FAM161A: variants seen among roughly 807,000 people sequenced by gnomAD.
The protein encoded by FAM161A is protein FAM161A.
Under a neutral mutation model 70.9 loss-of-function variants are expected in FAM161A, and 57 were observed. The ratio of observed to expected loss-of-function variants is 0.80; its 90% CI spans 0.65 to 1.00. FAM161A has a LOEUF of 1.00. Ranked by LOEUF, FAM161A falls within the 50% of genes least tolerant of loss-of-function variation. The pLI is 0.00. For synonymous variants in FAM161A, 299 were observed against 295.7 expected (o/e 1.01, Z -0.12); for missense variants, 880 against 836.0 (o/e 1.05, Z -0.65).
chr2:61,819,831 G>C, the FAM161A span, among the ~76,000 whole-genome samples: 1 of 152,106 alleles, frequency 6.6e-6, no homozygotes. Flanking sequence ...TCATAATGAA[G>C]TATACCATCT....
Position 61,853,892 on chromosome 2 carries a change from C to T in FAM161A, c.150G>A (p.Glu50=). ...AAAEAILEDE[E]EEKVAQPAGA... The stretch of plus-strand genomic sequence containing the variant: ...CAGCGGGCTGAGCCACTTTCTCCTC[C>T]TCTTCGTCCTCCAAGATCGCCTCCG... The change falls in exon 1 of 7, where the codon GAG becomes GAA. Residue 50 remains glutamate (E), a synonymous_variant. Transcript: ENST00000404929. 1.2e-6 allele frequency: 2 copies of T among 1,613,966 alleles called. No homozygotes were observed. Among genetic ancestry groups the T allele is most frequent in the Non-Finnish European group, 1.7e-6 (2 of 1,179,840 alleles).
intron 1 of FAM161A, among the ~76,000 whole-genome samples, chr2:61,843,520 T>C (rs981140540): frequency 1.3e-5 from 2 of 152,184 alleles, no homozygotes; most frequent in Non-Finnish European, 2.9e-5. Flanking sequence ...TGAGAAACAG[T>C]TGAAATTATT....
the FAM161A span, among the ~76,000 whole-genome samples, chr2:61,810,647 A>AG: frequency 6.6e-6 from 1 of 151,398 alleles, no homozygotes; most frequent in Admixed American, 6.6e-5. Context: ...TTTAGTAAAG[A>AG]GGGGGTTTCT....
intron 1 of FAM161A, among the ~76,000 whole-genome samples, chr2:61,845,235 T>C (rs904470282): frequency 1.3e-5 from 2 of 151,976 alleles, no homozygotes; most frequent in Non-Finnish European, 2.9e-5. Context: ...TAATAGGAGG[T>C]AGAGAGTGGC....
Position 61,853,843 on chromosome 2 carries a change from C to A in FAM161A, c.183+16G>T. ...GCCCATGCGAGGTCCCAGCCCAAGTCCCGCCCCAGTATTACCGATGCCCCA... is the reference window on the plus strand; with the variant it reads ...GCCCATGCGAGGTCCCAGCCCAAGTACCGCCCCAGTATTACCGATGCCCCA... On this transcript the variant is annotated intron_variant, in intron 1 of 6. Coordinates refer to ENST00000404929, the MANE Select transcript of FAM161A (RefSeq NM_001201543.2). 6.2e-7 allele frequency: 1 copy of A among 1,613,754 alleles called. No homozygotes were observed. The highest frequency in any genetic ancestry group is 8.5e-7 in the Non-Finnish European group (1 of 1,179,744).
chr2:61,838,194 A>G lies in FAM161A; in HGVS notation c.1751+344T>C, dbSNP rs1303073607. Among the ~76,000 whole-genome samples the G allele has an allele frequency of 2.0e-5, 3 of 152,254 alleles. No homozygotes were observed. In the South Asian group the frequency reaches 6.2e-4, roughly 31 times the overall value. Reference sequence around the variant, plus strand: ...TGCTATCAGATTTCATCCAAACCTTAGAACAAAGCTCTTTGATATATCTGT... The same window carrying G: ...TGCTATCAGATTTCATCCAAACCTTGGAACAAAGCTCTTTGATATATCTGT... On this transcript the variant is annotated intron_variant, in intron 4 of 6. Transcript: ENST00000404929.
downstream of FAM161A, among the ~76,000 whole-genome samples, chr2:61,821,251 C>G (rs1672196624): frequency 6.6e-6 from 1 of 152,076 alleles, no homozygotes; most frequent in Admixed American, 6.6e-5. Flanking sequence ...TGGGGTTTCA[C>G]CATATTGGCC....
intron 5 of FAM161A, 35 bp from the exon 6 acceptor site, chr2:61,827,293 G>A (rs773228084): frequency 9.3e-6 from 15 of 1,606,206 alleles, no homozygotes; most frequent in Non-Finnish European, 1.3e-5. Flanking sequence ...GACGAGAACA[G>A]AAGACTTTAA....
In FAM161A at chr2:61,840,410, G is replaced by A. The variant is rs1473804899; in HGVS notation, c.594C>T (p.Leu198=). 4 of 1,614,010 alleles carry A rather than the reference G, an allele frequency of 2.5e-6. No individual in the cohort carries two copies. Among genetic ancestry groups the A allele is most frequent in the Middle Eastern group, 1.6e-4 (1 of 6,062 alleles). ...KNRMMTYAKE[L]INNMWTDFCV... ...AAAAGTCTGTCCACATATTGTTGAT[G>A]AGCTCCTTAGCATAGGTCATCATTC... The change falls in exon 3 of 7, where the codon CTC becomes CTT. Residue 198 remains leucine, a synonymous_variant. Coordinates refer to ENST00000404929, the MANE Select transcript of FAM161A (RefSeq NM_001201543.2).
intron 5 of FAM161A, among the ~76,000 whole-genome samples, chr2:61,828,029 A>G (rs1366526161): frequency 2.0e-5 from 3 of 152,204 alleles, no homozygotes; most frequent in African/African-American, 4.8e-5. Flanking sequence ...CAAAACAACT[A>G]TATTGTTTGA....
chr2:61,804,139 G>T, the FAM161A span, among the ~76,000 whole-genome samples: 2 of 152,156 alleles, frequency 1.3e-5, no homozygotes, highest in Admixed American at 1.3e-4. Flanking sequence ...ACTTCCTGAC[G>T]TTGCCATGGC....
At chr2:61,850,998 C>T (rs1056452699) in intron 1 of FAM161A, among the ~76,000 whole-genome samples, 4 of 152,072 alleles carry the variant, frequency 2.6e-5, no homozygotes, top group African/African-American at 9.7e-5. Flanking sequence ...CCTCAGCCTC[C>T]TGAGTAGCTG....
chr2:61,836,501 T>C (rs1274308318), intron 4 of FAM161A: 3 of 160,662 alleles, frequency 1.9e-5, no homozygotes, highest in Non-Finnish European at 2.7e-5. Flanking sequence ...ACAAATTAGC[T>C]ATCTTCTCTG....
At chr2:61,830,631 C>T (rs1672532059) in intron 5 of FAM161A, among the ~76,000 whole-genome samples, 1 of 145,328 alleles carries the variant, frequency 6.9e-6, no homozygotes, top group Non-Finnish European at 1.5e-5. Flanking sequence ...TTGCAGTGAG[C>T]CGAGATCACG....
At chr2:61,805,827 G>C in the FAM161A span, among the ~76,000 whole-genome samples, 1 of 151,968 alleles carries the variant, frequency 6.6e-6, no homozygotes, top group African/African-American at 2.4e-5. Flanking sequence ...TTCTTTTATT[G>C]CTAGGTTTTT....
chr2:61,804,818 G>GAA, the FAM161A span, among the ~76,000 whole-genome samples: 23 of 110,116 alleles, frequency 2.1e-4, no homozygotes, highest in African/African-American at 4.4e-4. Flanking sequence ...AAGAAAGAAA[G>GAA]AGAAAGAGAA....
At chr2:61,832,427 C>T (rs1280111830) in intron 5 of FAM161A, among the ~76,000 whole-genome samples, 1 of 152,074 alleles carries the variant, frequency 6.6e-6, no homozygotes, top group African/African-American at 2.4e-5. Flanking sequence ...AGGAAATCTT[C>T]CAGAACTAGA....
At chr2:61,810,876 C>G in the FAM161A span, among the ~76,000 whole-genome samples, 4 of 152,086 alleles carry the variant, frequency 2.6e-5, no homozygotes, top group African/African-American at 4.8e-5. Context: ...TGGAAGCCAT[C>G]AGTATTTATG....
At chr2:61,851,064 G>T (rs967240817) in intron 1 of FAM161A, among the ~76,000 whole-genome samples, 5 of 151,822 alleles carry the variant, frequency 3.3e-5, no homozygotes, top group Non-Finnish European at 5.9e-5. Context: ...AGTAGAGATG[G>T]GGTTTCTCTA....
Sources: gnomAD v4.1 joint callset for allele counts (sites outside exome capture counted in the v4.1 genomes callset) on GRCh38, gnomAD v4.1.1 for gene constraint, MANE v1.5 for transcripts, NCBI Gene and HGNC (gene_info 2026-07-23, HGNC 2026-07-21) for gene names.